PRKACB: variants seen among roughly 807,000 people sequenced by gnomAD.
PRKACB encodes the protein protein kinase cAMP-activated catalytic subunit beta, also known as cAMP-dependent protein kinase catalytic subunit beta.
In PRKACB, 16 loss-of-function variants were observed where a neutral mutation model predicts 51.4. The ratio of observed to expected loss-of-function variants is 0.31; its 90% CI spans 0.21 to 0.47. The LOEUF is 0.47. Among genes scored for constraint, PRKACB ranks in the 20% least tolerant of loss-of-function variants. The pLI, the probability that PRKACB is intolerant of heterozygous loss-of-function variation, is 1.00. For missense variants in PRKACB, 309 were observed against 464.5 expected, an observed-to-expected ratio of 0.67 and a Z score of 3.08; for synonymous variants, 147 against 154.4, an observed-to-expected ratio of 0.95 and a Z score of 0.35.
At chr1:84,218,582 A>G (rs549619348) in intron 9 of PRKACB, among the ~76,000 whole-genome samples, 2 of 152,248 alleles carry the variant, frequency 1.3e-5, no homozygotes, top group African/African-American at 4.8e-5. Context: ...TTGATTCCAT[A>G]TCTTTGCTAT....
intron 1 of PRKACB, among the ~76,000 whole-genome samples, chr1:84,117,881 T>C (rs988801447): frequency 1.3e-5 from 2 of 152,216 alleles, no homozygotes; most frequent in African/African-American, 4.8e-5. Context: ...TTGTTATATG[T>C]TAATTTGTAA....
intron 6 of PRKACB, 133 bp downstream of exon 6, chr1:84,196,875 T>C: frequency 1.0e-6 from 1 of 968,404 alleles, no homozygotes. Flanking sequence ...AGCTCAGAGT[T>C]TTGCTGCTAT....
chr1:84,095,685 C>T lies in PRKACB; in HGVS notation c.46+17314C>T, dbSNP rs1411745040. ...CTCAAAATGTTTCATTTATTTAAGA[C>T]AGTTTTCAATAAGCATATCTTAATA... is the stretch of plus-strand genomic sequence containing the variant. On this transcript the variant is annotated intron_variant, in intron 1 of 8. Transcript: ENST00000370688. Among the ~76,000 whole-genome samples, 7 of 151,960 alleles carry T rather than the reference C, an allele frequency of 4.6e-5. No homozygotes were observed. The South Asian group carries it at 1.2e-3, about 27-fold the overall frequency.
At chr1:84,123,228 GAGTTGT>G (rs944762467) in intron 1 of PRKACB, among the ~76,000 whole-genome samples, 17 of 152,148 alleles carry the variant, frequency 1.1e-4, no homozygotes, top group African/African-American at 4.1e-4. Flanking sequence ...CCAGGGTATG[GAGTTGT>G]AGTTAATTTT....
At chr1:84,112,382 AC>A (rs1650309721) in intron 1 of PRKACB, among the ~76,000 whole-genome samples, 1 of 151,818 alleles carries the variant, frequency 6.6e-6, no homozygotes, top group East Asian at 1.9e-4. Context: ...ACAGGCATGC[AC>A]CACAACACCT....
At chr1:84,226,993 T>C (rs1674720063) in intron 9 of PRKACB, among the ~76,000 whole-genome samples, 1 of 152,044 alleles carries the variant, frequency 6.6e-6, no homozygotes, top group Non-Finnish European at 1.5e-5. Context: ...GGAGACATCC[T>C]CACTTTCCTG....
intron 1 of PRKACB, among the ~76,000 whole-genome samples, chr1:84,158,379 G>A (rs562364882): frequency 3.6e-4 from 55 of 152,186 alleles, no homozygotes; most frequent in South Asian, 1.0e-3. Flanking sequence ...GTGTGAATCC[G>A]TTGTTCACAG....
At position 84,236,602 on chromosome 1, in the gene PRKACB, C is replaced by G. The variant is rs1387050579; in HGVS notation, c.*1297C>G. ...TCTCTCAGTAAACAGAATGTCTGATCGATCATGCAGATACAATGTTGGTAT... is the reference window on the plus strand; with the variant it reads ...TCTCTCAGTAAACAGAATGTCTGATGGATCATGCAGATACAATGTTGGTAT... On this transcript the variant is annotated 3_prime_UTR_variant, in exon 10 of 10. Transcript: ENST00000370685. 6.6e-6 allele frequency: 1 copy of G among 152,562 alleles called. No homozygotes were observed. Among genetic ancestry groups the G allele is most frequent in the Non-Finnish European group, 1.5e-5 (1 of 68,010 alleles). 9.5% of individuals were successfully genotyped at this position (152,562 alleles called of 1,614,324 possible).
intron 1 of PRKACB, among the ~76,000 whole-genome samples, chr1:84,131,945 G>T (rs1178682211): frequency 1.3e-5 from 2 of 152,176 alleles, no homozygotes; most frequent in African/African-American, 4.8e-5. Context: ...CAGAGAGAGG[G>T]AGGGTAATCA....
At chr1:84,079,811 G>C (rs1274758269) in intron 1 of PRKACB, among the ~76,000 whole-genome samples, 1 of 151,172 alleles carries the variant, frequency 6.6e-6, no homozygotes, top group Non-Finnish European at 1.5e-5. Flanking sequence ...GATTACAGGT[G>C]CCCACCACCA....
At chr1:84,119,980 C>T (rs1408534865) in intron 1 of PRKACB, among the ~76,000 whole-genome samples, 2 of 152,126 alleles carry the variant, frequency 1.3e-5, no homozygotes, top group East Asian at 1.9e-4. Flanking sequence ...CAAGAAAGTA[C>T]CCCACCTCCA....
intron 1 of PRKACB, among the ~76,000 whole-genome samples, chr1:84,149,441 G>T (rs541200580): frequency 6.6e-6 from 1 of 151,900 alleles, no homozygotes; most frequent in East Asian, 1.9e-4. Flanking sequence ...TTGTATTTTT[G>T]GTAGAGGTGG....
chr1:84,213,370 T>G (rs562654790), intron 8 of PRKACB, among the ~76,000 whole-genome samples: 4 of 152,152 alleles, frequency 2.6e-5, no homozygotes, highest in Non-Finnish European at 5.9e-5. Flanking sequence ...AGAAGTTAGA[T>G]TGGTATAGAG....
chr1:84,222,848 C>T (rs1673948279), intron 9 of PRKACB, among the ~76,000 whole-genome samples: 1 of 152,108 alleles, frequency 6.6e-6, no homozygotes, highest in African/African-American at 2.4e-5. Flanking sequence ...CCAATTCTCT[C>T]CTGGCCTGCA....
At chr1:84,204,750 A>C in intron 8 of PRKACB, 1 of 843,080 alleles carries the variant, frequency 1.2e-6, no homozygotes, top group Non-Finnish European at 1.5e-6. Context: ...TATTACTTTT[A>C]TTTATATTCA....
intron 9 of PRKACB, among the ~76,000 whole-genome samples, chr1:84,234,595 G>T (rs994655053): frequency 1.3e-5 from 2 of 152,222 alleles, no homozygotes; most frequent in African/African-American, 4.8e-5. Context: ...CTCCAAGCCA[G>T]GTGCAGGATA....
chr1:84,193,381 A>G (rs1241293021), intron 5 of PRKACB, among the ~76,000 whole-genome samples: 1 of 152,192 alleles, frequency 6.6e-6, no homozygotes, highest in African/African-American at 2.4e-5. Flanking sequence ...CAAGTATATC[A>G]AAGTCAAAAT....
Position 84,214,336 on chromosome 1 carries a change from ATTTAAAAGCTTT to A in PRKACB, c.1071+26_1071+37del. The A allele has an allele frequency of 1.3e-6, 2 of 1,543,324 alleles. No individual in the cohort carries two copies. The highest frequency in any genetic ancestry group is 1.7e-6 in the Non-Finnish European group (2 of 1,147,078). On this transcript the variant is annotated intron_variant, in intron 9 of 9. Coordinates refer to ENST00000370685, the MANE Select transcript of PRKACB (RefSeq NM_182948.4). ...GAGGAAGGTGAGACTTTCTTTTTTA[ATTTAAAAGCTTT>A]TTTAAAGTTGGTGTTTAAATTATAT...
At chr1:84,129,287 G>T (rs1376634225) in intron 1 of PRKACB, among the ~76,000 whole-genome samples, 2 of 151,834 alleles carry the variant, frequency 1.3e-5, no homozygotes, top group Non-Finnish European at 2.9e-5. Flanking sequence ...AGGTATTCTG[G>T]TGAGTTCAAG....
Sources: gnomAD v4.1 joint callset for allele counts (sites outside exome capture counted in the v4.1 genomes callset) on GRCh38, gnomAD v4.1.1 for gene constraint, MANE v1.5 for transcripts, NCBI Gene and HGNC (gene_info 2026-07-23, HGNC 2026-07-21) for gene names.